Variants in FARS2 observed in about 807,000 individuals in gnomAD.
FARS2 encodes phenylalanine--tRNA ligase, mitochondrial.
Under a neutral mutation model 46.4 loss-of-function variants are expected in FARS2, and 40 were observed. The observed-to-expected ratio is 0.86, with a 90% CI of 0.67 to 1.12. FARS2 has a LOEUF of 1.12. Ranked by LOEUF, FARS2 falls within the 50% of genes most tolerant of loss-of-function variation. FARS2 has a pLI of 0.00. For missense variants in FARS2, 513 were observed against 567.9 expected (o/e 0.90, Z 0.98); for synonymous variants, 234 against 214.9 (o/e 1.09, Z -0.78).
intron 6 of FARS2, among the ~76,000 whole-genome samples, chr6:5,626,707 C>G (rs1046886234): frequency 4.5e-4 from 69 of 152,290 alleles, no homozygotes; most frequent in African/African-American, 1.6e-3. Flanking sequence ...GAGCACAGTT[C>G]AGAGATGAGG....
At chr6:5,694,543 A>AT (rs1017694845) in intron 6 of FARS2, among the ~76,000 whole-genome samples, 5 of 152,240 alleles carry the variant, frequency 3.3e-5, no homozygotes, top group Admixed American at 1.3e-4. Context: ...TATTTTATAT[A>AT]TTTTTTACCT....
intron 6 of FARS2, among the ~76,000 whole-genome samples, chr6:5,717,927 T>TAGAGAGAGAGAGAG (rs1410102835): frequency 3.5e-4 from 26 of 74,216 alleles, no homozygotes; most frequent in South Asian, 7.2e-4. Context: ...TATATATATA[T>TAGAGAGAGAGAGAG]ATATATATAC....
chr6:5,555,309 G>A (rs1340159857), intron 5 of FARS2, among the ~76,000 whole-genome samples: 1 of 152,098 alleles, frequency 6.6e-6, no homozygotes, highest in Non-Finnish European at 1.5e-5. Context: ...GTCTTCATCA[G>A]CAGCATGAAA....
intron 5 of FARS2, among the ~76,000 whole-genome samples, chr6:5,584,141 A>ACACACC (rs1561731442): frequency 6.8e-6 from 1 of 146,474 alleles, no homozygotes; most frequent in Non-Finnish European, 1.5e-5. Flanking sequence ...ACACACACAC[A>ACACACC]CTCCTTGAGT....
intron 1 of FARS2, among the ~76,000 whole-genome samples, chr6:5,299,066 T>A (rs2127529808): frequency 6.6e-6 from 1 of 152,254 alleles, no homozygotes; most frequent in South Asian, 2.1e-4. Context: ...AAAATATAGA[T>A]CTAGTTTATT....
chr6:5,414,920 A>G (rs767697257), intron 3 of FARS2, among the ~76,000 whole-genome samples: 4 of 148,902 alleles, frequency 2.7e-5, no homozygotes, highest in African/African-American at 9.9e-5. Context: ...GGTTCAAGCA[A>G]TTCTCTGCCT....
At position 5,718,611 on chromosome 6, in the gene FARS2, AT is replaced by A. The variant is rs1023217646; in HGVS notation, c.1218-52670del. Among the ~76,000 whole-genome samples, 9 of 150,046 alleles carry A rather than the reference AT, an allele frequency of 6.0e-5. No homozygotes were observed. The South Asian group carries it at 8.4e-4, about 14-fold the overall frequency. ...GCCTGGCAATTCAGAATGCAAGCTC[AT>A]TTTTTTTTTAAACCAAAGCCTCTTT... On this transcript the variant is annotated intron_variant, in intron 6 of 6. Coordinates refer to ENST00000274680, the MANE Select transcript of FARS2 (RefSeq NM_006567.5).
At chr6:5,767,665 G>T (rs1762823742) in intron 6 of FARS2, among the ~76,000 whole-genome samples, 1 of 152,160 alleles carries the variant, frequency 6.6e-6, no homozygotes, top group South Asian at 2.1e-4. Context: ...TTCCTCATCT[G>T]TATAATGGGT....
At chr6:5,252,537 G>A in the FARS2 span, among the ~76,000 whole-genome samples, 1 of 151,972 alleles carries the variant, frequency 6.6e-6, no homozygotes, top group Non-Finnish European at 1.5e-5. Context: ...CTCTTCCATC[G>A]CATGTCCACC....
intron 6 of FARS2, among the ~76,000 whole-genome samples, chr6:5,649,507 G>A (rs1375287791): frequency 1.3e-5 from 2 of 152,218 alleles, no homozygotes; most frequent in African/African-American, 4.8e-5. Context: ...GGTGCAGGCT[G>A]CTGGGGGCTT....
In FARS2 at chr6:5,355,743, T is replaced by A. The variant is rs1448189753; in HGVS notation, c.-21-12807T>A. Reference sequence around the variant, plus strand: ...CACAGACACACATGCACACACACGGTATAACATGCAAAAGGTTAGAAAGTC... The same window carrying A: ...CACAGACACACATGCACACACACGGAATAACATGCAAAAGGTTAGAAAGTC... On this transcript the variant is annotated intron_variant, in intron 1 of 6. Coordinates refer to ENST00000274680, the MANE Select transcript of FARS2 (RefSeq NM_006567.5). Among the ~76,000 whole-genome samples, 5 of 152,194 alleles carry A rather than the reference T, an allele frequency of 3.3e-5. No individual in the cohort carries two copies. The East Asian group carries it at 7.7e-4, about 24-fold the overall frequency.
At chr6:5,690,624 C>T (rs1231016349) in intron 6 of FARS2, among the ~76,000 whole-genome samples, 1 of 151,794 alleles carries the variant, frequency 6.6e-6, no homozygotes, top group Non-Finnish European at 1.5e-5. Context: ...TCTGGCTGCC[C>T]TTAACATTTT....
intron 5 of FARS2, among the ~76,000 whole-genome samples, chr6:5,577,066 T>A (rs1024282008): frequency 7.8e-6 from 1 of 127,612 alleles, no homozygotes; most frequent in Non-Finnish European, 1.7e-5. Context: ...ATATAAATTT[T>A]ACCAGAAAGA....
chr6:5,558,465 C>A (rs929791916), intron 5 of FARS2, among the ~76,000 whole-genome samples: 4 of 152,088 alleles, frequency 2.6e-5, no homozygotes, highest in African/African-American at 9.7e-5. Flanking sequence ...ATTATTCTTT[C>A]TATCATTTGG....
chr6:5,276,581 C>T (rs1177601943), intron 1 of FARS2, among the ~76,000 whole-genome samples: 5 of 152,322 alleles, frequency 3.3e-5, no homozygotes, highest in African/African-American at 4.8e-5. Context: ...ATTGGAGGCT[C>T]ATCAAAGAGC....
At chr6:5,329,705 G>T (rs889344310) in intron 1 of FARS2, among the ~76,000 whole-genome samples, 1 of 152,212 alleles carries the variant, frequency 6.6e-6, no homozygotes, top group African/African-American at 2.4e-5. Flanking sequence ...ACTCAGGAAA[G>T]CATCGTACTT....
chr6:5,356,553 T>A (rs1757944242), intron 1 of FARS2, among the ~76,000 whole-genome samples: 1 of 152,076 alleles, frequency 6.6e-6, no homozygotes, highest in Non-Finnish European at 1.5e-5. Flanking sequence ...GGCTGTGATG[T>A]GCCTTACAGA....
At chr6:5,499,274 G>T (rs1423220675) in intron 4 of FARS2, among the ~76,000 whole-genome samples, 8 of 152,164 alleles carry the variant, frequency 5.3e-5, no homozygotes, top group African/African-American at 1.9e-4. Context: ...TCTGGATGAA[G>T]TCTTTTGGGA....
chr6:5,329,901 A>G (rs1770674354), intron 1 of FARS2, among the ~76,000 whole-genome samples: 1 of 152,186 alleles, frequency 6.6e-6, no homozygotes, highest in Non-Finnish European at 1.5e-5. Flanking sequence ...AATTACATCG[A>G]CATGATAGAT....
Sources: gnomAD v4.1 joint callset for allele counts (sites outside exome capture counted in the v4.1 genomes callset) on GRCh38, gnomAD v4.1.1 for gene constraint, MANE v1.5 for transcripts, NCBI Gene and HGNC (gene_info 2026-07-23, HGNC 2026-07-21) for gene names.